Variants in STAG1 observed in about 807,000 individuals in gnomAD.
The protein encoded by STAG1 is cohesin subunit SA-1.
Under a neutral mutation model 170.9 loss-of-function variants are expected in STAG1, and 26 were observed. The observed-to-expected ratio is 0.15, with a 90% CI of 0.11 to 0.21. STAG1 has a LOEUF of 0.21. STAG1 is among the 10% of genes least tolerant of loss of function. The probability of loss-of-function intolerance (pLI) is 1.00; values close to 1 mark genes in which losing one functional copy is unlikely to be tolerated. For missense variants in STAG1, 964 were observed against 1,509.5 expected (o/e 0.64, Z 5.99); for synonymous variants, 514 against 497.7 (o/e 1.03, Z -0.44).
intron 14 of STAG1, among the ~76,000 whole-genome samples, chr3:136,450,615 G>A (rs2088908929): frequency 6.6e-6 from 1 of 152,152 alleles, no homozygotes; most frequent in South Asian, 2.1e-4. Context: ...TCTCAAACTT[G>A]AGCATTCATA....
At chr3:136,742,124 C>A (rs1934700353) in intron 1 of STAG1, among the ~76,000 whole-genome samples, 2 of 152,144 alleles carry the variant, frequency 1.3e-5, no homozygotes, top group Admixed American at 1.3e-4. Flanking sequence ...TTCTTCTTGG[C>A]AGCTGATAGA....
intron 1 of STAG1, among the ~76,000 whole-genome samples, chr3:136,714,461 G>C (rs1384637208): frequency 6.6e-6 from 1 of 152,090 alleles, no homozygotes; most frequent in Admixed American, 6.6e-5. Flanking sequence ...GGGCGTGGTG[G>C]CTCACGCCTG....
intron 1 of STAG1, among the ~76,000 whole-genome samples, chr3:136,702,123 CAGAG>C (rs1408345782): frequency 5.0e-4 from 28 of 55,710 alleles, no homozygotes; most frequent in Middle Eastern, 9.3e-3. Context: ...GAGAGAGAGA[CAGAG>C]AGACAGAGAG....
intron 5 of STAG1, among the ~76,000 whole-genome samples, chr3:136,557,878 A>G (rs555098032): frequency 2.0e-5 from 3 of 152,210 alleles, no homozygotes; most frequent in Non-Finnish European, 4.4e-5. Context: ...CCATAAAAGA[A>G]AAGACAAATA....
At chr3:136,366,903 C>CA (rs1560061920) in intron 25 of STAG1, 40 bp downstream of exon 25, 5 of 1,508,658 alleles carry the variant, frequency 3.3e-6, no homozygotes, top group Admixed American at 3.9e-5. Context: ...ATTTCTCTGC[C>CA]AGTTAGAGGA....
intron 7 of STAG1, among the ~76,000 whole-genome samples, chr3:136,513,785 C>G (rs187411488): frequency 6.6e-6 from 1 of 151,846 alleles, no homozygotes; most frequent in Admixed American, 6.5e-5. Context: ...AAAAAATATG[C>G]TACACAAAAA....
At chr3:136,580,170 T>C (rs1449707502) in intron 4 of STAG1, among the ~76,000 whole-genome samples, 1 of 151,988 alleles carries the variant, frequency 6.6e-6, no homozygotes, top group Non-Finnish European at 1.5e-5. Context: ...GGTTTCATCA[T>C]GTTGGCCAGG....
At chr3:136,730,870 T>A (rs1934003557) in intron 1 of STAG1, among the ~76,000 whole-genome samples, 1 of 152,206 alleles carries the variant, frequency 6.6e-6, no homozygotes, top group African/African-American at 2.4e-5. Context: ...TAGCAATGAT[T>A]CTTAAACTTC....
chr3:136,604,650 T>C (rs1306824377), intron 3 of STAG1, among the ~76,000 whole-genome samples, 177 bp from the exon 4 acceptor site: 1 of 152,038 alleles, frequency 6.6e-6, no homozygotes, highest in Non-Finnish European at 1.5e-5. Context: ...GGTATGAAGG[T>C]AACTTTCTTT....
intron 21 of STAG1, among the ~76,000 whole-genome samples, chr3:136,410,068 TAAAAAAAAAAAAA>T (rs766763989): frequency 1.1e-4 from 10 of 93,082 alleles, no homozygotes; most frequent in African/African-American, 4.3e-4. Flanking sequence ...AGTCCTTGTC[TAAAAAAAAAAAAA>T]AAAAAAAAAG....
chr3:136,396,209 G>GTTTTTT (rs1157402968), intron 22 of STAG1, among the ~76,000 whole-genome samples: 9 of 87,934 alleles, frequency 1.0e-4, no homozygotes, highest in Admixed American at 3.2e-4. Flanking sequence ...GTGTAACACA[G>GTTTTTT]TTTTTTTTTT....
At chr3:136,470,647 A>G (rs2089602369) in intron 12 of STAG1, among the ~76,000 whole-genome samples, 1 of 152,188 alleles carries the variant, frequency 6.6e-6, no homozygotes, top group South Asian at 2.1e-4. Flanking sequence ...TATATACCCA[A>G]AGGATTATAA....
At chr3:136,521,112 C>A in intron 7 of STAG1, 101 bp downstream of exon 7, 1 of 977,726 alleles carries the variant, frequency 1.0e-6, no homozygotes, top group South Asian at 1.8e-5. Flanking sequence ...CTGTTTTATT[C>A]TAATTAAATT....
chr3:136,679,855 T>C lies in STAG1; in HGVS notation c.-83-48874A>G, dbSNP rs565306340. Among the ~76,000 whole-genome samples the C allele has an allele frequency of 5.9e-5, 9 of 151,544 alleles. 1 individual carries two copies. The South Asian group carries it at 1.5e-3, about 25-fold the overall frequency. ...AGGCGGAGGTTGCAGTGACCCGAGA[T>C]TGCACCACTGCACTCCAGCCTGAGC... On this transcript the variant is annotated intron_variant, in intron 1 of 33. Transcript: ENST00000383202.
chr3:136,537,560 G>T (rs557511061), intron 6 of STAG1, among the ~76,000 whole-genome samples: 22 of 150,050 alleles, frequency 1.5e-4, no homozygotes, highest in South Asian at 8.5e-4. Context: ...GAGTGTGGTG[G>T]CGTGATCTCG....
chr3:136,729,538 A>T (rs1445958857), intron 1 of STAG1, among the ~76,000 whole-genome samples: 1 of 149,894 alleles, frequency 6.7e-6, no homozygotes, highest in Non-Finnish European at 1.5e-5. Context: ...CTGAAATTGT[A>T]CTTTGAAATA....
chr3:136,468,623 C>T (rs375746923), intron 12 of STAG1, among the ~76,000 whole-genome samples: 8 of 152,212 alleles, frequency 5.3e-5, no homozygotes, highest in Admixed American at 2.6e-4. Flanking sequence ...TTCCAATCAA[C>T]AGAAAAAGAG....
chr3:136,600,177 G>C (rs915040542), intron 4 of STAG1, among the ~76,000 whole-genome samples: 3 of 152,170 alleles, frequency 2.0e-5, no homozygotes, highest in Non-Finnish European at 4.4e-5. Flanking sequence ...TATTAAAGGA[G>C]CCTCTATTAA....
intron 1 of STAG1, among the ~76,000 whole-genome samples, chr3:136,728,934 A>G (rs1471403947): frequency 6.6e-6 from 1 of 152,198 alleles, no homozygotes; most frequent in Non-Finnish European, 1.5e-5. Flanking sequence ...CTATTTAACA[A>G]AACAAATAAA....
Sources: gnomAD v4.1 joint callset for allele counts (sites outside exome capture counted in the v4.1 genomes callset) on GRCh38, gnomAD v4.1.1 for gene constraint, MANE v1.5 for transcripts, NCBI Gene and HGNC (gene_info 2026-07-23, HGNC 2026-07-21) for gene names.